Variants in PDE11A observed in about 807,000 individuals in gnomAD.
The protein encoded by PDE11A is phosphodiesterase 11A.
PDE11A carries 100 observed loss-of-function variants against 100.5 expected under a neutral mutation model. The observed-to-expected ratio is 1.00, with a 90% CI of 0.85 to 1.18. The LOEUF is 1.18. PDE11A is among the 50% of genes most tolerant of loss of function. The pLI is 0.00. For synonymous variants in PDE11A, 381 were observed against 420.8 expected, an observed-to-expected ratio of 0.91 and a Z score of 1.16; for missense variants, 1,141 against 1,152.6, an observed-to-expected ratio of 0.99 and a Z score of 0.15.
chr2:177,925,746 C>T (rs982700998), intron 2 of PDE11A, among the ~76,000 whole-genome samples: 1 of 152,224 alleles, frequency 6.6e-6, no homozygotes, highest in African/African-American at 2.4e-5. Context: ...TCAACTTTTA[C>T]ATTATGCAGT....
chr2:177,646,566 C>T (rs1168416992), intron 19 of PDE11A, among the ~76,000 whole-genome samples: 8 of 152,176 alleles, frequency 5.3e-5, no homozygotes. Context: ...AATGTCAGTC[C>T]AGGCTTGGCT....
chr2:177,906,497 T>C (rs2084791555), intron 2 of PDE11A, among the ~76,000 whole-genome samples: 1 of 152,182 alleles, frequency 6.6e-6, no homozygotes, highest in Non-Finnish European at 1.5e-5. Flanking sequence ...AACTCTGACC[T>C]AGGGTCCTGG....
chr2:177,943,209 C>G (rs921677041), intron 2 of PDE11A, among the ~76,000 whole-genome samples: 1 of 152,200 alleles, frequency 6.6e-6, no homozygotes, highest in Non-Finnish European at 1.5e-5. Context: ...CTTCAAGACC[C>G]TGCATTTAAT....
chr2:177,732,330 T>C (rs779067165), intron 10 of PDE11A, among the ~76,000 whole-genome samples: 1 of 152,246 alleles, frequency 6.6e-6, no homozygotes, highest in African/African-American at 2.4e-5. Context: ...CAGAAAGATC[T>C]GTGCTTGTGG....
chr2:177,649,186 A>G (rs1574096326), intron 19 of PDE11A, among the ~76,000 whole-genome samples: 1 of 152,140 alleles, frequency 6.6e-6, no homozygotes, highest in Admixed American at 6.6e-5. Flanking sequence ...AAATTGGTTC[A>G]AACTCCACAG....
chr2:178,013,325 G>A (rs766083885), intron 2 of PDE11A, among the ~76,000 whole-genome samples: 3 of 152,080 alleles, frequency 2.0e-5, no homozygotes, highest in Non-Finnish European at 2.9e-5. Context: ...ATCTTTTGAG[G>A]TCCTATCATG....
At chr2:178,030,857 G>A (rs934645219) in intron 1 of PDE11A, among the ~76,000 whole-genome samples, 1 of 152,078 alleles carries the variant, frequency 6.6e-6, no homozygotes, top group Non-Finnish European at 1.5e-5. Context: ...ACCAGCCTGG[G>A]TGACAAAAAG....
chr2:178,080,595 C>T (rs1234274014), intron 2 of PDE11A, among the ~76,000 whole-genome samples: 1 of 152,098 alleles, frequency 6.6e-6, no homozygotes, highest in Non-Finnish European at 1.5e-5. Flanking sequence ...AGCACTGATG[C>T]CTTTCTTCTT....
intron 2 of PDE11A, 144 bp downstream of exon 2, chr2:178,014,158 C>A: frequency 1.5e-6 from 1 of 647,118 alleles, no homozygotes; most frequent in Non-Finnish European, 2.7e-6. Flanking sequence ...ACTCCCATTT[C>A]ATTTTGTATA....
chr2:177,887,425 T>G (rs1347874612), intron 4 of PDE11A, among the ~76,000 whole-genome samples: 1 of 150,510 alleles, frequency 6.6e-6, no homozygotes, highest in Non-Finnish European at 1.5e-5. Context: ...TAACGGGGTC[T>G]TAGGAAACGT....
At chr2:177,766,378 T>C (rs2082238987) in intron 10 of PDE11A, among the ~76,000 whole-genome samples, 1 of 152,136 alleles carries the variant, frequency 6.6e-6, no homozygotes, top group African/African-American at 2.4e-5. Flanking sequence ...CTGGTACCAG[T>C]CCATGGGCTG....
chr2:177,709,809 A>T (rs906189213), intron 13 of PDE11A, among the ~76,000 whole-genome samples: 1 of 152,038 alleles, frequency 6.6e-6, no homozygotes, highest in African/African-American at 2.4e-5. Context: ...TCATGGCAAG[A>T]GGTATTATGA....
intron 1 of PDE11A, among the ~76,000 whole-genome samples, chr2:178,017,404 T>C (rs2086352038): frequency 6.6e-6 from 1 of 152,212 alleles, no homozygotes; most frequent in Non-Finnish European, 1.5e-5. Context: ...TGTATCAACA[T>C]GAACAAATGT....
At chr2:177,862,383 C>T (rs2083958947) in intron 5 of PDE11A, among the ~76,000 whole-genome samples, 1 of 151,694 alleles carries the variant, frequency 6.6e-6, no homozygotes, top group Non-Finnish European at 1.5e-5. Context: ...GTAAAGTATA[C>T]TTACTGCAAT....
chr2:177,778,040 C>T (rs374605299), intron 9 of PDE11A, among the ~76,000 whole-genome samples: 52 of 152,244 alleles, frequency 3.4e-4, no homozygotes, highest in African/African-American at 1.2e-3. Context: ...AACTTGCTTC[C>T]AGCAAAACAA....
intron 1 of PDE11A, among the ~76,000 whole-genome samples, chr2:178,016,391 C>T (rs1221465093): frequency 6.6e-6 from 1 of 152,006 alleles, no homozygotes; most frequent in Non-Finnish European, 1.5e-5. Flanking sequence ...GAAATCAAAA[C>T]CCAAACAAAA....
intron 2 of PDE11A, among the ~76,000 whole-genome samples, chr2:177,972,647 A>T (rs903738587): frequency 5.7e-4 from 87 of 152,302 alleles, no homozygotes; most frequent in Middle Eastern, 3.4e-3. Flanking sequence ...AAAGAAAAAA[A>T]AGCTATAAAG....
Position 177,918,526 on chromosome 2 carries a change from A to T in PDE11A, c.1072-13339T>A, listed in dbSNP as rs1435691291. On this transcript the variant is annotated intron_variant, in intron 2 of 19. Coordinates refer to ENST00000286063, the MANE Select transcript of PDE11A (RefSeq NM_016953.4). Reference sequence around the variant, plus strand: ...AACAACCATTAGAATTGATAAATAAATCCAGAAATAGCTCATGTAGGGAAA... The same window carrying T: ...AACAACCATTAGAATTGATAAATAATTCCAGAAATAGCTCATGTAGGGAAA... Among the ~76,000 whole-genome samples, 5 of 152,250 alleles carry T rather than the reference A, an allele frequency of 3.3e-5. No homozygotes were observed. In the East Asian group the frequency reaches 9.6e-4, roughly 29 times the overall value.
chr2:177,629,925 G>A (rs910705453), intron 19 of PDE11A, among the ~76,000 whole-genome samples: 3 of 152,126 alleles, frequency 2.0e-5, no homozygotes, highest in South Asian at 2.1e-4. Flanking sequence ...CTGCCACAGA[G>A]GGCTCCAGAT....
Sources: allele counts gnomAD v4.1 joint callset (sites outside exome capture counted in the v4.1 genomes callset), GRCh38; gene constraint gnomAD v4.1.1; transcripts MANE v1.5; gene names NCBI Gene and HGNC (gene_info 2026-07-23, HGNC 2026-07-21).